MAP7D3: variants seen among roughly 807,000 people sequenced by gnomAD.
MAP7D3 encodes the protein MAP7 domain containing 3.
Under a neutral mutation model 62.2 loss-of-function variants are expected in MAP7D3, and 45 were observed. The observed-to-expected ratio is 0.72, with a 90% CI of 0.57 to 0.93. The LOEUF (loss-of-function observed/expected upper bound fraction) is 0.93, where lower values mean the gene tolerates loss of function less well. MAP7D3 is among the 40% of genes least tolerant of loss of function. MAP7D3 has a pLI of 0.00. For synonymous variants in MAP7D3, 288 were observed against 248.8 expected (o/e 1.16, Z -1.48); for missense variants, 711 against 683.1 (o/e 1.04, Z -0.45).
Position 136,236,338 on chromosome X carries a change from C to G in MAP7D3, c.642G>C (p.Arg214Ser). 3 of 1,107,302 alleles carry G rather than the reference C, an allele frequency of 2.7e-6. No individual in the cohort carries two copies. The highest frequency in any genetic ancestry group is 3.7e-6 in the Non-Finnish European group (3 of 808,459). The allele number at this position is 1,107,302 out of a possible 1,213,427, so 91.3% of individuals were successfully genotyped here. Residue 214 changes from arginine (R) to serine (S), a missense_variant and splice_region_variant, in exon 7 of 19, where the codon AGG becomes AGC. Coordinates refer to ENST00000316077, the MANE Select transcript of MAP7D3 (RefSeq NM_024597.4). ...ATGAGCTTCTCTCCTTGTCTGTTTT[C>G]CCTAGAGAGCAAGTACAAAAGGAAT... Reference protein sequence around the residue: ...SAGLQNSVAKRKTDKERSSSL... With the variant: ...SAGLQNSVAKSKTDKERSSSL...
chrX:136,217,980 AG>A lies in MAP7D3; in HGVS notation c.*545del, dbSNP rs2148394607. 1 of 108,650 alleles carries A rather than the reference AG, an allele frequency of 9.2e-6. No individual in the cohort carries two copies. The highest frequency in any genetic ancestry group is 2.9e-4 in the East Asian group (1 of 3,480). The allele number at this position is 108,650 out of a possible 1,213,427, so 9.0% of individuals were successfully genotyped here. A position where few individuals can be genotyped will look rare whatever the true frequency, so the allele number is the denominator to read the frequency against. On this transcript the variant is annotated 3_prime_UTR_variant, in exon 19 of 19. Coordinates refer to ENST00000316077, the MANE Select transcript of MAP7D3 (RefSeq NM_024597.4). ...TGAGACAGGAGAATTGCTTGAGATG[AG>A]GAGGCGGAGGTTGCAGTGAGCCGAG...
rs536683850 is a variant in MAP7D3 at position 136,240,542 on chromosome X, A to C, written c.536-56T>G. On this transcript the variant is annotated intron_variant, in intron 5 of 18. Coordinates refer to ENST00000316077, the MANE Select transcript of MAP7D3 (RefSeq NM_024597.4). ...ATATTTCAAGGAGGAAAGAATCATT[A>C]ACTGAAAAAAAAATGAGTTTTCATG... 20 of 813,144 alleles carry C rather than the reference A, an allele frequency of 2.5e-5. No homozygotes were observed. The Middle Eastern group carries it at 8.5e-4, about 35-fold the overall frequency. 67.0% of individuals were successfully genotyped at this position (813,144 alleles called of 1,213,427 possible). A position where few individuals can be genotyped will look rare whatever the true frequency, so the allele number is the denominator to read the frequency against.
chrX:136,219,448 T>C lies in MAP7D3; in HGVS notation c.2613A>G (p.Ser871=), dbSNP rs1426757903. The C allele has an allele frequency of 1.8e-5, 22 of 1,204,629 alleles. No homozygotes were observed. Among genetic ancestry groups the C allele is most frequent in the Non-Finnish European group, 2.5e-5 (22 of 890,240 alleles). Residue 871 remains serine (S), a synonymous_variant, in exon 18 of 19, where the codon TCA becomes TCG. Coordinates refer to ENST00000316077, the MANE Select transcript of MAP7D3 (RefSeq NM_024597.4). ...EGFHDILPKS[S]DTFRQ is the part of the protein sequence containing the mutation. ...TCTTCTCTTATTGTCTAAAGGTGTC[T>C]GAGGACTTTGGCAAGATGTCATGGA...
Position 136,228,578 on chromosome X carries a change from C to T in MAP7D3, c.1886+45G>A, listed in dbSNP as rs775832269. Reference sequence around the variant, plus strand: ...AAATTTTGACTTTCAAAAATTTGGGCCCCACTCAAGATTTATAGTATAGGA... The same window carrying T: ...AAATTTTGACTTTCAAAAATTTGGGTCCCACTCAAGATTTATAGTATAGGA... On this transcript the variant is annotated intron_variant, in intron 11 of 18. Transcript: ENST00000316077. 5 of 1,128,176 alleles carry T rather than the reference C, an allele frequency of 4.4e-6. No homozygotes were observed. In the Admixed American group the frequency reaches 9.7e-5, roughly 22 times the overall value. The allele number at this position is 1,128,176 out of a possible 1,213,427, so 93.0% of individuals were successfully genotyped here.
intron 6 of MAP7D3, among the ~76,000 whole-genome samples, 159 bp from the exon 7 acceptor site, chrX:136,236,498 G>T (rs2074331851): frequency 9.0e-6 from 1 of 111,262 alleles, no homozygotes; most frequent in African/African-American, 3.3e-5. Context: ...AGCTTAAAAT[G>T]AGTTTATTCT....
chrX:136,218,961 C>T (rs1021961376), intron 18 of MAP7D3, among the ~76,000 whole-genome samples: 3 of 111,119 alleles, frequency 2.7e-5, no homozygotes, highest in Non-Finnish European at 1.9e-5. Flanking sequence ...AGTGATTCTC[C>T]TGCCTCAGCC....
chrX:136,247,103 T>C (rs2074456364), intron 1 of MAP7D3, among the ~76,000 whole-genome samples: 1 of 112,383 alleles, frequency 8.9e-6, no homozygotes, highest in Non-Finnish European at 1.9e-5. Context: ...AAATATAAAT[T>C]ATACAAGGTG....
intron 7 of MAP7D3, among the ~76,000 whole-genome samples, chrX:136,232,963 C>A (rs1354601662): frequency 3.6e-5 from 4 of 110,455 alleles, no homozygotes; most frequent in Non-Finnish European, 7.6e-5. Flanking sequence ...TCTAGGTTTA[C>A]CCTTAGGAAA....
At chrX:136,222,900 G>GCTCACT (rs1483419187) in intron 14 of MAP7D3, among the ~76,000 whole-genome samples, 2 of 108,077 alleles carry the variant, frequency 1.9e-5, no homozygotes, top group Admixed American at 9.8e-5. Flanking sequence ...GGAGTGCAGT[G>GCTCACT]GCACGATCAT....
At chrX:136,253,840 C>T (rs1398094630), upstream of MAP7D3, among the ~76,000 whole-genome samples, 1 of 110,133 alleles carries the variant, frequency 9.1e-6, no homozygotes, top group Non-Finnish European at 1.9e-5. Context: ...AATAAAAACA[C>T]AAGACAAAAA....
chrX:136,249,632 A>G (rs1306639799), intron 1 of MAP7D3, among the ~76,000 whole-genome samples: 1 of 112,183 alleles, frequency 8.9e-6, no homozygotes, highest in East Asian at 2.8e-4. Context: ...CTATGCATTT[A>G]TATGTTATGT....
intron 9 of MAP7D3, 69 bp from the exon 10 acceptor site, chrX:136,230,662 T>C (rs756133567): frequency 2.3e-6 from 2 of 879,764 alleles, no homozygotes; most frequent in South Asian, 4.7e-5. Flanking sequence ...TAAGATGCTA[T>C]TATGAGATGA....
chrX:136,223,207 G>A (rs2074151844), intron 14 of MAP7D3, among the ~76,000 whole-genome samples: 1 of 110,873 alleles, frequency 9.0e-6, no homozygotes, highest in South Asian at 3.8e-4. Context: ...GACTCCCAGC[G>A]CTTTTTGAAA....
At chrX:136,223,245 T>G (rs2074152015) in intron 14 of MAP7D3, among the ~76,000 whole-genome samples, 1 of 111,460 alleles carries the variant, frequency 9.0e-6, no homozygotes, top group African/African-American at 3.3e-5. Flanking sequence ...AATTCTCATG[T>G]CATTTAATGC....
rs760743457 is a variant in MAP7D3, at chrX:136,232,126, C to T, written c.831G>A (p.Ser277=). Residue 277 remains serine (S), a synonymous_variant, in exon 8 of 19, where the codon TCG becomes TCA. Coordinates refer to ENST00000316077, the MANE Select transcript of MAP7D3 (RefSeq NM_024597.4). The part of the protein sequence containing the change: ...DELRAVMFPM[S]TMKIPPQTKV... ...TTGTTTGAGGAGGTATTTTCATTGT[C>T]GACATGGGAAACATAACAGCCCTCA... 15 of 1,205,919 alleles carry T rather than the reference C, an allele frequency of 1.2e-5. No homozygotes were observed. The South Asian group carries it at 2.5e-4, about 20-fold the overall frequency.
chrX:136,214,554 T>G (rs1032800125), downstream of MAP7D3: 7 of 111,791 alleles, frequency 6.3e-5, no homozygotes, highest in African/African-American at 2.3e-4. Context: ...CACAGCCCCC[T>G]CATTTGACAG....
At chrX:136,240,588 G>C in intron 5 of MAP7D3, 102 bp from the exon 6 acceptor site, 1 of 512,637 alleles carries the variant, frequency 2.0e-6, no homozygotes, top group East Asian at 3.6e-5. Flanking sequence ...ATGGAGCACA[G>C]ACTTACATTA....
chrX:136,220,584 G>C (rs1418060364), intron 16 of MAP7D3, among the ~76,000 whole-genome samples, 181 bp downstream of exon 16: 1 of 112,259 alleles, frequency 8.9e-6, no homozygotes, highest in Non-Finnish European at 1.9e-5. Context: ...TTTATACATG[G>C]GGATGATGAT....
chrX:136,229,875 T>TA (rs1478701697), intron 10 of MAP7D3, among the ~76,000 whole-genome samples: 1 of 104,180 alleles, frequency 9.6e-6, no homozygotes, highest in Non-Finnish European at 2.0e-5. Flanking sequence ...GTGGTTATGG[T>TA]ATAATATGGC....
Sources: gnomAD v4.1 joint callset for allele counts (sites outside exome capture counted in the v4.1 genomes callset) on GRCh38, gnomAD v4.1.1 for gene constraint, MANE v1.5 for transcripts, NCBI Gene and HGNC (gene_info 2026-07-23, HGNC 2026-07-21) for gene names.